Variants in PRR12 observed in about 807,000 individuals in gnomAD.
PRR12 encodes the protein proline rich 12.
In PRR12, 12 loss-of-function variants were observed where a neutral mutation model predicts 138.0. That is an observed-to-expected ratio of 0.09 (90% CI 0.06 to 0.14). The LOEUF is 0.14. Ranked by LOEUF, PRR12 falls within the 10% of genes least tolerant of loss-of-function variation. The probability of loss-of-function intolerance (pLI) is 1.00; values close to 1 mark genes in which losing one functional copy is unlikely to be tolerated. For synonymous variants in PRR12, 1,567 were observed against 1,291.7 expected, an observed-to-expected ratio of 1.21 and a Z score of -4.57; for missense variants, 2,692 against 2,861.3, an observed-to-expected ratio of 0.94 and a Z score of 1.35.
chr19:49,611,641 A>AG (rs2080866480), intron 6 of PRR12, among the ~76,000 whole-genome samples: 1 of 148,616 alleles, frequency 6.7e-6, no homozygotes, highest in African/African-American at 2.6e-5. Flanking sequence ...AAAAAAAAAA[A>AG]GGCCGGGCGC....
At chr19:49,623,417 A>G (rs944417532) in intron 11 of PRR12, among the ~76,000 whole-genome samples, 2 of 151,988 alleles carry the variant, frequency 1.3e-5, no homozygotes, top group African/African-American at 4.8e-5. Flanking sequence ...CGAGGTCAGG[A>G]GACCAATAAC....
At chr19:49,620,516 C>T (rs778435631) in intron 10 of PRR12, 39 bp downstream of exon 10, 23 of 1,547,180 alleles carry the variant, frequency 1.5e-5, no homozygotes, top group South Asian at 2.4e-5. Context: ...GGGGCTGACT[C>T]GGTCTGAGGG....
Position 49,599,151 on chromosome 19 carries a change from G to A in PRR12, c.3679-121G>A, listed in dbSNP as rs551923516. The A allele has an allele frequency of 1.0e-5, 10 of 982,204 alleles. No individual in the cohort carries two copies. In the South Asian group the frequency reaches 1.4e-4, roughly 14 times the overall value. The allele number at this position is 982,204 out of a possible 1,614,324, so 60.8% of individuals were successfully genotyped here. On this transcript the variant is annotated intron_variant, in intron 4 of 13. Coordinates refer to ENST00000418929, the MANE Select transcript of PRR12 (RefSeq NM_020719.3). This position sits in a 1 kb window ranked among gnomAD's most constrained non-coding sequence, Gnocchi z 5.0. ...AGAATCTAAGACAAGGGGTCTGCAG[G>A]TTTGAATTCTATAAATTCACAGGCT...
Position 49,595,059 on chromosome 19 carries a change from C to T in PRR12, c.724C>T (p.Pro242Ser), listed in dbSNP as rs892270813. 19 of 1,611,594 alleles carry T rather than the reference C, an allele frequency of 1.2e-5. No homozygotes were observed. The highest frequency in any genetic ancestry group is 1.6e-5 in the Non-Finnish European group (19 of 1,179,610). Reference sequence around the variant, plus strand: ...CCCACCACCACCTCCTCGCCACCTCCCAACTCAGTTCAACCTGCTGGCTTC... The same window carrying T: ...CCCACCACCACCTCCTCGCCACCTCTCAACTCAGTTCAACCTGCTGGCTTC... ...PDPPPPPRHL[P>S]TQFNLLASSS... Residue 242 changes from proline to serine, a missense_variant, in exon 4 of 14, where the codon CCA (proline) becomes TCA (serine). By Grantham distance (74) the Pro-to-Ser change is moderately conservative. Transcript: ENST00000418929.
chr19:49,601,880 G>A lies in PRR12; in HGVS notation c.4735G>A (p.Glu1579Lys), dbSNP rs749048794. 3 of 1,612,366 alleles carry A rather than the reference G, an allele frequency of 1.9e-6. No individual in the cohort carries two copies. Among genetic ancestry groups the A allele is most frequent in the South Asian group, 1.1e-5 (1 of 90,980 alleles). Reference sequence around the variant, plus strand: ...AGAGGGCATCTTCCGGGAACGGGACGAGTTCGTCATCCGTGCTGAGGACAT... The same window carrying A: ...AGAGGGCATCTTCCGGGAACGGGACAAGTTCGTCATCCGTGCTGAGGACAT... ...GGEGIFRERD[E>K]FVIRAEDIPS... The change falls in exon 6 of 14, where the codon GAG becomes AAG. Residue 1579 changes from glutamate (E) to lysine (K), a missense_variant. Physicochemically the swap from Glu to Lys is moderately conservative, Grantham distance 56 (BLOSUM62 1). Transcript: ENST00000418929.
At position 49,597,300 on chromosome 19, in the gene PRR12, C is replaced by G; in HGVS notation, c.2965C>G (p.Pro989Ala). 1 of 1,558,736 alleles carries G rather than the reference C, an allele frequency of 6.4e-7. No homozygotes were observed. The highest frequency in any genetic ancestry group is 8.7e-7 in the Non-Finnish European group (1 of 1,154,518). The stretch of plus-strand genomic sequence containing the variant: ...ACCCCCCGGCCCCCCTGCTTATGAT[C>G]CCTATGGGCCCTACTGTCCTGGCCG... ...GPPPGPPAYD[P>A]YGPYCPGRAS... The change falls in exon 4 of 14, where the codon CCC becomes GCC. Residue 989 changes from proline to alanine, a missense_variant. Pro to Ala is a conservative substitution (Grantham distance 27, BLOSUM62 -1). This residue lies in a region of PRR12 where 840 missense variants were observed against 689.8 expected (regional missense o/e 1.22). Transcript: ENST00000418929. This position sits in a 1 kb window ranked among gnomAD's most constrained non-coding sequence, Gnocchi z 6.3.
Position 49,616,495 on chromosome 19 carries a change from A to C in PRR12, c.5497+276A>C, listed in dbSNP as rs1197337784. The stretch of plus-strand genomic sequence containing the variant: ...GGAAGCTGAGGCTCCAAGAGAGGGC[A>C]GCACAGTCTGTGTTGGGTGCCCAGC... On this transcript the variant is annotated intron_variant, in intron 9 of 13. Coordinates refer to ENST00000418929, the MANE Select transcript of PRR12 (RefSeq NM_020719.3). This position sits in a 1 kb window ranked among gnomAD's most constrained non-coding sequence, Gnocchi z 4.2. Among the ~76,000 whole-genome samples the C allele has an allele frequency of 1.3e-5, 2 of 152,182 alleles. No homozygotes were observed. Among genetic ancestry groups the C allele is most frequent in the Admixed American group, 1.3e-4 (2 of 15,270 alleles).
Position 49,626,122 on chromosome 19 carries a change from T to C in PRR12, c.*515T>C, listed in dbSNP as rs1450258654. ...ATCTTGTTAATTATTTTTAATCTTA[T>C]TTATTGTACATACCTGGGGCAGGGG... On this transcript the variant is annotated 3_prime_UTR_variant, in exon 14 of 14. Coordinates refer to ENST00000418929, the MANE Select transcript of PRR12 (RefSeq NM_020719.3). 6.6e-6 allele frequency: 1 copy of C among 152,086 alleles called. No individual in the cohort carries two copies. Among genetic ancestry groups the C allele is most frequent in the Non-Finnish European group, 1.5e-5 (1 of 68,026 alleles). 9.4% of individuals were successfully genotyped at this position (152,086 alleles called of 1,614,324 possible). A position where few individuals can be genotyped will look rare whatever the true frequency, so the allele number is the denominator to read the frequency against.
rs190835053 is a variant in PRR12 at position 49,599,059 on chromosome 19, A to G, written c.3679-213A>G. On this transcript the variant is annotated intron_variant, in intron 4 of 13. Transcript: ENST00000418929. This position sits in a 1 kb window ranked among gnomAD's most constrained non-coding sequence, Gnocchi z 5.0. ...GGTCTAGGGACCTGAACTGGGCTGTAAGTGAAGAGGCTCAGTGAGTCCAAG... is the reference window on the plus strand; with the variant it reads ...GGTCTAGGGACCTGAACTGGGCTGTGAGTGAAGAGGCTCAGTGAGTCCAAG... Among the ~76,000 whole-genome samples, 11 of 127,946 alleles carry G rather than the reference A, an allele frequency of 8.6e-5. No homozygotes were observed. The highest frequency in any genetic ancestry group is 3.5e-4 in the African/African-American group (9 of 25,728). 83.9% of individuals were successfully genotyped at this position (127,946 alleles called of 152,430 possible). A position where few individuals can be genotyped will look rare whatever the true frequency, so the allele number is the denominator to read the frequency against.
Position 49,597,879 on chromosome 19 carries a change from C to A in PRR12, c.3544C>A (p.Pro1182Thr). 1.4e-6 allele frequency: 2 copies of A among 1,445,116 alleles called. No individual in the cohort carries two copies. The highest frequency in any genetic ancestry group is 1.4e-5 in the African/African-American group (1 of 69,096). 89.5% of individuals were successfully genotyped at this position (1,445,116 alleles called of 1,614,324 possible). ...GCCCCGGATCCGCCCCCTGGAGGTC[C>A]CGACCACTGCGGGGCCCGCCTCGGC... ...GRPRIRPLEVPTTAGPASAST... is the reference protein window; with the variant it reads ...GRPRIRPLEVTTTAGPASAST... Residue 1182 changes from proline to threonine, a missense_variant, in exon 4 of 14, where the codon CCG (proline) becomes ACG (threonine). Pro to Thr is a conservative substitution (Grantham distance 38). This residue lies in a region of PRR12 where 326 missense variants were observed against 344.2 expected (regional missense o/e 0.95). Transcript: ENST00000418929. The surrounding 1 kb of genome is among the most constrained non-coding windows in gnomAD (Gnocchi z 6.3).
rs555561233 is a variant in PRR12, at chr19:49,626,013, C to G, written c.*406C>G. Reference sequence around the variant, plus strand: ...CAGAGAGCTGGGGGACCCCTTCCCCCCAAGTCCCCCCTGCAGGCCAAGATC... The same window carrying G: ...CAGAGAGCTGGGGGACCCCTTCCCCGCAAGTCCCCCCTGCAGGCCAAGATC... On this transcript the variant is annotated 3_prime_UTR_variant, in exon 14 of 14. Coordinates refer to ENST00000418929, the MANE Select transcript of PRR12 (RefSeq NM_020719.3). The G allele has an allele frequency of 1.3e-3, 210 of 156,218 alleles. 5 individuals carry two copies. In the South Asian group the frequency reaches 0.039, roughly 29 times the overall value. The allele number at this position is 156,218 out of a possible 1,614,324, so 9.7% of individuals were successfully genotyped here. A position where few individuals can be genotyped will look rare whatever the true frequency, so the allele number is the denominator to read the frequency against.
In PRR12 at chr19:49,614,866, C is replaced by T. The variant is rs1161004300; in HGVS notation, c.4891-10C>T. 1 of 1,613,976 alleles carries T rather than the reference C, an allele frequency of 6.2e-7. No individual in the cohort carries two copies. The highest frequency in any genetic ancestry group is 1.7e-5 in the Admixed American group (1 of 60,010). ...GAAGAATTTCCTCATGTGCCTCTTTCTCCCCATAGTATTTGGGGTATTTTG... is the reference window on the plus strand; with the variant it reads ...GAAGAATTTCCTCATGTGCCTCTTTTTCCCCATAGTATTTGGGGTATTTTG... On this transcript the variant is annotated splice_polypyrimidine_tract_variant and intron_variant, in intron 7 of 13. Coordinates refer to ENST00000418929, the MANE Select transcript of PRR12 (RefSeq NM_020719.3). This position sits in a 1 kb window ranked among gnomAD's most constrained non-coding sequence, Gnocchi z 5.0.
At chr19:49,610,530 G>GT (rs1422953898) in intron 6 of PRR12, among the ~76,000 whole-genome samples, 2 of 148,470 alleles carry the variant, frequency 1.3e-5, no homozygotes, top group African/African-American at 5.1e-5. Flanking sequence ...GCATGCCATG[G>GT]TAAAACCCTG....
chr19:49,597,658 C>A lies in PRR12; in HGVS notation c.3323C>A (p.Ala1108Asp). Reference sequence around the variant, plus strand: ...GAGTTCGAGGCGGACGAGGACAAGGCCGATGTTCCCGCCGACATCCGCCTC... The same window carrying A: ...GAGTTCGAGGCGGACGAGGACAAGGACGATGTTCCCGCCGACATCCGCCTC... ...EYEFEADEDKADVPADIRLNP... is the reference protein window; with the variant it reads ...EYEFEADEDKDDVPADIRLNP... The change falls in exon 4 of 14, where the codon GCC (alanine) becomes GAC (aspartate). Residue 1108 changes from alanine to aspartate, a missense_variant. By Grantham distance (126) the Ala-to-Asp change is moderately radical. Around this residue, in one of 11 missense-constraint regions of PRR12, gnomAD observed 840 missense variants for 689.8 expected, o/e 1.22. Transcript: ENST00000418929. This position sits in a 1 kb window ranked among gnomAD's most constrained non-coding sequence, Gnocchi z 6.3. The A allele has an allele frequency of 6.2e-7, 1 of 1,605,154 alleles. No homozygotes were observed. The highest frequency in any genetic ancestry group is 8.5e-7 in the Non-Finnish European group (1 of 1,176,868).
At chr19:49,609,207 C>G (rs1042863480) in intron 6 of PRR12, among the ~76,000 whole-genome samples, 3 of 152,196 alleles carry the variant, frequency 2.0e-5, no homozygotes, top group Admixed American at 2.0e-4. Flanking sequence ...CCCAGCTACC[C>G]TAGAGGCTGA....
chr19:49,612,308 T>C (rs1430101712), intron 6 of PRR12, among the ~76,000 whole-genome samples: 1 of 149,480 alleles, frequency 6.7e-6, no homozygotes, highest in Admixed American at 6.7e-5. Context: ...AACCATTGAG[T>C]AGGAGGCTGT....
chr19:49,592,733 G>C (rs1445817196), intron 1 of PRR12, among the ~76,000 whole-genome samples: 1 of 151,998 alleles, frequency 6.6e-6, no homozygotes, highest in Non-Finnish European at 1.5e-5. Context: ...CTCAACCCCC[G>C]GGGATGGTCG....
intron 9 of PRR12, among the ~76,000 whole-genome samples, chr19:49,617,708 C>T (rs1599801049): frequency 6.6e-6 from 1 of 152,070 alleles, no homozygotes; most frequent in South Asian, 2.1e-4. Context: ...CAGGGCCACA[C>T]AGTACAGGGG....
At position 49,597,177 on chromosome 19, in the gene PRR12, C is replaced by A; in HGVS notation, c.2842C>A (p.Pro948Thr). Residue 948 changes from proline (P) to threonine (T), a missense_variant, in exon 4 of 14, where the codon CCC becomes ACC. Physicochemically the swap from Pro to Thr is conservative, Grantham distance 38. Transcript: ENST00000418929. This position sits in a 1 kb window ranked among gnomAD's most constrained non-coding sequence, Gnocchi z 6.3. ...LLQDEERSFF[P>T]TMEEMFGGGA... ...CCAAGACGAGGAGCGCAGCTTCTTC[C>A]CCACCATGGAGGAGATGTTCGGTGG... The A allele has an allele frequency of 6.4e-7, 1 of 1,553,930 alleles. No individual in the cohort carries two copies.
Sources: allele counts gnomAD v4.1 joint callset (sites outside exome capture counted in the v4.1 genomes callset), GRCh38; gene constraint gnomAD v4.1.1; regional missense constraint gnomAD v4.1.1; non-coding constraint Gnocchi (gnomAD v3.1); transcripts MANE v1.5; gene names NCBI Gene and HGNC (gene_info 2026-07-23, HGNC 2026-07-21).